PCDHGA8: variants seen among roughly 807,000 people sequenced by gnomAD.
PCDHGA8 encodes the protein protocadherin gamma subfamily A, 8, also known as protocadherin gamma-A8.
Under a neutral mutation model 59.2 loss-of-function variants are expected in PCDHGA8, and 45 were observed. The ratio of observed to expected loss-of-function variants is 0.76; its 90% CI spans 0.60 to 0.98. PCDHGA8 has a LOEUF of 0.98. PCDHGA8 is among the 50% of genes least tolerant of loss of function. PCDHGA8 has a pLI of 0.00. For missense variants in PCDHGA8, 1,257 were observed against 1,196.2 expected, an observed-to-expected ratio of 1.05 and a Z score of -0.75; for synonymous variants, 531 against 519.0, an observed-to-expected ratio of 1.02 and a Z score of -0.32.
chr5:141,431,288 C>T lies in PCDHGA8; in HGVS notation c.2424+36051C>T, dbSNP rs2097358193. ...GAGCTACGAGCTCAGCCCGAACACT[C>T]ACTTCTCCCTCATCGTGCAAAATGG... On this transcript the variant is annotated intron_variant, in intron 1 of 3. Transcript: ENST00000398604. This position sits in a 1 kb window ranked among gnomAD's most constrained non-coding sequence, Gnocchi z 4.8. 1 of 1,614,152 alleles carries T rather than the reference C, an allele frequency of 6.2e-7. No individual in the cohort carries two copies. Among genetic ancestry groups the T allele is most frequent in the East Asian group, 2.2e-5 (1 of 44,890 alleles).
chr5:141,431,868 A>G lies in PCDHGA8; in HGVS notation c.2424+36631A>G, dbSNP rs755283039. On this transcript the variant is annotated intron_variant, in intron 1 of 3. Coordinates refer to ENST00000398604, the MANE Select transcript of PCDHGA8 (RefSeq NM_032088.2). This position sits in a 1 kb window ranked among gnomAD's most constrained non-coding sequence, Gnocchi z 4.8. ...AGAGGGACATTAATTGCCCTTTTAAATGTAAATGACCAAGATTCTGAGGAA... is the reference window on the plus strand; with the variant it reads ...AGAGGGACATTAATTGCCCTTTTAAGTGTAAATGACCAAGATTCTGAGGAA... 4.3e-6 allele frequency: 7 copies of G among 1,614,102 alleles called. No individual in the cohort carries two copies. In the South Asian group the frequency reaches 6.6e-5, roughly 15 times the overall value.
chr5:141,407,088 GT>G lies in PCDHGA8; in HGVS notation c.2424+11855del, dbSNP rs571130014. Among the ~76,000 whole-genome samples, 18 of 152,174 alleles carry G rather than the reference GT, an allele frequency of 1.2e-4. No individual in the cohort carries two copies. The East Asian group carries it at 3.5e-3, about 29-fold the overall frequency. On this transcript the variant is annotated intron_variant, in intron 1 of 3. Coordinates refer to ENST00000398604, the MANE Select transcript of PCDHGA8 (RefSeq NM_032088.2). ...GGCATTTCTGTGGAAATGAAGAATT[GT>G]TTTATTTGTTTGTAATTATTTGGGT...
At chr5:141,433,935 T>G (rs2097665519) in intron 1 of PCDHGA8, among the ~76,000 whole-genome samples, 2 of 152,150 alleles carry the variant, frequency 1.3e-5, no homozygotes, top group African/African-American at 2.4e-5. Context: ...GATTTTATAA[T>G]TCCATTGTTT....
At position 141,484,932 on chromosome 5, in the gene PCDHGA8, C is replaced by T. The variant is rs1594431677; in HGVS notation, c.2425-9875C>T. On this transcript the variant is annotated intron_variant, in intron 1 of 3. Coordinates refer to ENST00000398604, the MANE Select transcript of PCDHGA8 (RefSeq NM_032088.2). ...CGCATTAACCCTGCTGCTGTTGGGA[C>T]GTTCTCTGCTCAGCCTATTGGCTGA... 1.2e-5 allele frequency: 6 copies of T among 501,356 alleles called. No individual in the cohort carries two copies. The East Asian group carries it at 1.4e-4, about 12-fold the overall frequency. 31.1% of individuals were successfully genotyped at this position (501,356 alleles called of 1,614,324 possible).
At chr5:141,495,571 C>T (rs1031548699) in intron 2 of PCDHGA8, among the ~76,000 whole-genome samples, 1 of 152,198 alleles carries the variant, frequency 6.6e-6, no homozygotes, top group African/African-American at 2.4e-5. Flanking sequence ...TCTGCCTCTC[C>T]CTCTCTTCTC....
At position 141,409,547 on chromosome 5, in the gene PCDHGA8, G is replaced by T. The variant is rs760802690; in HGVS notation, c.2424+14310G>T. Reference sequence around the variant, plus strand: ...GTATGTCGCTGACATCAACGACAACGCCCCAGTTTTCGACCAGACGTCCTA... The same window carrying T: ...GTATGTCGCTGACATCAACGACAACTCCCCAGTTTTCGACCAGACGTCCTA... On this transcript the variant is annotated intron_variant, in intron 1 of 3. Coordinates refer to ENST00000398604, the MANE Select transcript of PCDHGA8 (RefSeq NM_032088.2). The T allele has an allele frequency of 2.4e-5, 39 of 1,613,818 alleles. No individual in the cohort carries two copies. The highest frequency in any genetic ancestry group is 3.1e-5 in the Non-Finnish European group (36 of 1,179,900).
At chr5:141,509,404 A>C (rs1248030362) in intron 3 of PCDHGA8, among the ~76,000 whole-genome samples, 3 of 152,112 alleles carry the variant, frequency 2.0e-5, no homozygotes, top group Non-Finnish European at 4.4e-5. Context: ...CAGGGCCTCC[A>C]GCAGCGAGCC....
rs142628885 is a variant in PCDHGA8 at position 141,404,093 on chromosome 5, C to T, written c.2424+8856C>T. ...TGACCGAGACTCCGGGAAGAATGGT[C>T]AAGTTGTCTGTTCTATCCAGGAGAA... On this transcript the variant is annotated intron_variant, in intron 1 of 3. Coordinates refer to ENST00000398604, the MANE Select transcript of PCDHGA8 (RefSeq NM_032088.2). The T allele has an allele frequency of 9.4e-5, 152 of 1,613,326 alleles. 2 individuals carry two copies. In the East Asian group the frequency reaches 3.4e-3, roughly 36 times the overall value.
At chr5:141,506,444 CAAA>C (rs1219684339) in intron 3 of PCDHGA8, among the ~76,000 whole-genome samples, 12 of 95,004 alleles carry the variant, frequency 1.3e-4, no homozygotes, top group Admixed American at 3.3e-4. Context: ...CGCTCTGTCT[CAAA>C]AAAAAAAAAA....
intron 1 of PCDHGA8, chr5:141,427,571 G>A: frequency 1.5e-6 from 1 of 662,942 alleles, no homozygotes. Flanking sequence ...GCAAGCCTCC[G>A]CTCTCATCCA....
intron 1 of PCDHGA8, chr5:141,429,155 G>A (rs115622025): frequency 0.044 from 6,389 of 145,752 alleles, 216 homozygotes; most frequent in African/African-American, 0.099. Flanking sequence ...CACCCGGCCC[G>A]GAGACATTGT....
Position 141,431,698 on chromosome 5 carries a change from A to ATTC in PCDHGA8, c.2424+36463_2424+36465dup. 6.2e-7 allele frequency: 1 copy of ATTC among 1,614,222 alleles called. No homozygotes were observed. Among genetic ancestry groups the ATTC allele is most frequent in the Non-Finnish European group, 8.5e-7 (1 of 1,180,036 alleles). The stretch of plus-strand genomic sequence containing the variant: ...GGGAGTTGGACCACGAGGAGTCAGG[A>ATTC]TTCTACCAGATGGAAGTGCAAGCAA... On this transcript the variant is annotated intron_variant, in intron 1 of 3. Coordinates refer to ENST00000398604, the MANE Select transcript of PCDHGA8 (RefSeq NM_032088.2). This position sits in a 1 kb window ranked among gnomAD's most constrained non-coding sequence, Gnocchi z 4.8.
intron 1 of PCDHGA8, chr5:141,409,602 C>T (rs940700383): frequency 6.2e-7 from 1 of 1,613,932 alleles, no homozygotes; most frequent in South Asian, 1.1e-5. Flanking sequence ...AACAACCCGC[C>T]AGGAGCCTCC....
intron 1 of PCDHGA8, among the ~76,000 whole-genome samples, chr5:141,466,800 C>T (rs189985735): frequency 6.6e-6 from 1 of 152,240 alleles, no homozygotes; most frequent in East Asian, 1.9e-4. Context: ...AAACTAGATC[C>T]TATTCAGACA....
chr5:141,393,019 G>A lies in PCDHGA8; in HGVS notation c.206G>A (p.Arg69Lys), dbSNP rs1415257415. Residue 69 changes from arginine (R) to lysine (K), a missense_variant, in exon 1 of 4, where the codon AGA becomes AAA. Transcript: ENST00000398604. The stretch of plus-strand genomic sequence containing the variant: ...AAGCACGGAGTCCGTATCGTCTCCA[G>A]AGGTAGGACGCAGCTCTTTGCTCTG... ...LAKHGVRIVSRGRTQLFALNP... is the reference protein window; with the variant it reads ...LAKHGVRIVSKGRTQLFALNP... 6.2e-7 allele frequency: 1 copy of A among 1,613,746 alleles called. No individual in the cohort carries two copies. Among genetic ancestry groups the A allele is most frequent in the African/African-American group, 1.3e-5 (1 of 74,942 alleles).
At chr5:141,464,407 A>C (rs996561936) in intron 1 of PCDHGA8, among the ~76,000 whole-genome samples, 1 of 151,544 alleles carries the variant, frequency 6.6e-6, no homozygotes, top group Non-Finnish European at 1.5e-5. Flanking sequence ...CCTGAGATAT[A>C]TATATATCTA....
rs367855808 is a variant in PCDHGA8 at position 141,394,509 on chromosome 5, G to A, written c.1696G>A (p.Ala566Thr). 6.2e-7 allele frequency: 1 copy of A among 1,614,146 alleles called. No individual in the cohort carries two copies. The highest frequency in any genetic ancestry group is 8.5e-7 in the Non-Finnish European group (1 of 1,180,026). Reference protein sequence around the residue: ...NDNAPEILYPALPTDGSTGVE... With the variant: ...NDNAPEILYPTLPTDGSTGVE... ...CAACGCGCCCGAGATCCTGTACCCC[G>A]CCCTCCCCACAGACGGTTCCACTGG... The change falls in exon 1 of 4, where the codon GCC (alanine) becomes ACC (threonine). Residue 566 changes from alanine (A) to threonine (T), a missense_variant. Physicochemically the swap from Ala to Thr is moderately conservative, Grantham distance 58. Transcript: ENST00000398604.
At chr5:141,404,302 T>G (rs377754198) in intron 1 of PCDHGA8, 1 of 1,613,858 alleles carries the variant, frequency 6.2e-7, no homozygotes, top group African/African-American at 1.3e-5. Flanking sequence ...ATAATCCACC[T>G]GCTTTCTCTC....
At chr5:141,422,217 C>T (rs1207888890) in intron 1 of PCDHGA8, 2 of 1,563,582 alleles carry the variant, frequency 1.3e-6, no homozygotes, top group Admixed American at 2.0e-5. Context: ...GTCTCTTTAC[C>T]ACCACGACGA....
Sources: gnomAD v4.1 joint callset for allele counts (sites outside exome capture counted in the v4.1 genomes callset) on GRCh38, gnomAD v4.1.1 for gene constraint, Gnocchi (gnomAD v3.1) non-coding constraint, MANE v1.5 for transcripts, NCBI Gene and HGNC (gene_info 2026-07-23, HGNC 2026-07-21) for gene names.